AKAP1: variants seen among roughly 807,000 people sequenced by gnomAD.
The protein encoded by AKAP1 is A-kinase anchor protein 1, mitochondrial.
In AKAP1, 32 loss-of-function variants were observed where a neutral mutation model predicts 79.8. The ratio of observed to expected loss-of-function variants is 0.40; its 90% CI spans 0.30 to 0.54. The LOEUF is 0.54. AKAP1 is among the 20% of genes least tolerant of loss of function. The probability of loss-of-function intolerance (pLI) is 0.47; values close to 1 mark genes in which losing one functional copy is unlikely to be tolerated. For missense variants in AKAP1, 961 were observed against 1,138.9 expected (o/e 0.84, Z 2.25); for synonymous variants, 416 against 466.7 (o/e 0.89, Z 1.40).
At chr17:57,101,420 G>C (rs1375317487) in intron 1 of AKAP1, among the ~76,000 whole-genome samples, 2 of 151,844 alleles carry the variant, frequency 1.3e-5, no homozygotes, top group African/African-American at 4.8e-5. Context: ...CAAGCGATTT[G>C]CCGCCCCCTC....
rs1336455408 is a variant in AKAP1, at chr17:57,086,520, C to T, written c.-25+1122C>T. 4 of 445,796 alleles carry T rather than the reference C, an allele frequency of 9.0e-6. No homozygotes were observed. The highest frequency in any genetic ancestry group is 6.3e-5 in the South Asian group (4 of 63,146). The allele number at this position is 445,796 out of a possible 1,614,324, so 27.6% of individuals were successfully genotyped here. ...CTTCCTGCCGCCGTTAACACAAACC[C>T]GGTGGACTTCGCTCCAGGTGCGAGT... On this transcript the variant is annotated intron_variant, in intron 1 of 10. Transcript: ENST00000337714. The surrounding 1 kb of genome is among the most constrained non-coding windows in gnomAD (Gnocchi z 5.1).
Position 57,106,769 on chromosome 17 carries a change from C to T in AKAP1, c.1305C>T (p.Tyr435=), listed in dbSNP as rs139433676. ...PAEGSPPPKT[Y]VSCLKSLLSS... ...AGGGCTCACCACCACCAAAGACCTACGTGAGCTGCCTGAAGAGCCTTCTGT... is the reference window on the plus strand; with the variant it reads ...AGGGCTCACCACCACCAAAGACCTATGTGAGCTGCCTGAAGAGCCTTCTGT... The change falls in exon 2 of 11, where the codon TAC becomes TAT. Residue 435 remains tyrosine, a synonymous_variant. Transcript: ENST00000337714. 2.0e-4 allele frequency: 319 copies of T among 1,614,076 alleles called. 1 individual carries two copies. The highest frequency in any genetic ancestry group is 3.3e-4 in the Middle Eastern group (2 of 6,062).
intron 1 of AKAP1, among the ~76,000 whole-genome samples, chr17:57,091,914 G>T (rs1299901222): frequency 6.6e-6 from 1 of 151,968 alleles, no homozygotes; most frequent in African/African-American, 2.4e-5. Flanking sequence ...CCCATTTCAA[G>T]ACTCCTAGGC....
rs1914202259 is a variant in AKAP1, at chr17:57,097,578, A to G, written c.-24-7863A>G. On this transcript the variant is annotated intron_variant, in intron 1 of 10. Transcript: ENST00000337714. ...CAGACTGCTGTCATTCTCTGAATGC[A>G]GTGGCTGAAGTGCTGGGCTTTAGGT... Among the ~76,000 whole-genome samples, 4 of 152,342 alleles carry G rather than the reference A, an allele frequency of 2.6e-5. No individual in the cohort carries two copies. In the East Asian group the frequency reaches 5.8e-4, roughly 22 times the overall value.
intron 1 of AKAP1, among the ~76,000 whole-genome samples, chr17:57,099,925 T>C (rs1477607202): frequency 1.3e-5 from 2 of 152,134 alleles, no homozygotes; most frequent in Admixed American, 6.5e-5. Context: ...CTCACTGTAG[T>C]ATAGCCCCCT....
chr17:57,120,202 G>T (rs760674985), intron 10 of AKAP1, 48 bp from the exon 11 acceptor site: 1 of 1,568,616 alleles, frequency 6.4e-7, no homozygotes, highest in Non-Finnish European at 8.7e-7. Context: ...TAGGGAGATG[G>T]CCCCAGGATG....
At chr17:57,098,024 GT>G (rs1296059491) in intron 1 of AKAP1, among the ~76,000 whole-genome samples, 2 of 152,248 alleles carry the variant, frequency 1.3e-5, no homozygotes, top group Non-Finnish European at 2.9e-5. Flanking sequence ...GTAGCCTGCA[GT>G]TACCAGGTTT....
Position 57,106,989 on chromosome 17 carries a change from G to T in AKAP1, c.1525G>T (p.Asp509Tyr). 3 of 1,614,192 alleles carry T rather than the reference G, an allele frequency of 1.9e-6. No homozygotes were observed. Among genetic ancestry groups the T allele is most frequent in the Non-Finnish European group, 2.5e-6 (3 of 1,180,032 alleles). The change falls in exon 2 of 11, where the codon GAT becomes TAT. Residue 509 changes from aspartate to tyrosine, a missense_variant. Coordinates refer to ENST00000337714, the MANE Select transcript of AKAP1 (RefSeq NM_003488.4). The stretch of plus-strand genomic sequence containing the variant: ...GGTGGCTTCTCCAGGACACTGCTCA[G>T]ATTCTTTCAGCACTTCAGGGCTTGA... ...PLVASPGHCS[D>Y]SFSTSGLEDS...
At chr17:57,108,146 G>A (rs1457741872) in intron 2 of AKAP1, 6 of 632,876 alleles carry the variant, frequency 9.5e-6, no homozygotes, top group Non-Finnish European at 1.3e-5. Context: ...TCTCTGACTT[G>A]TTTGTCCTGG....
At chr17:57,095,656 G>A (rs1279713343) in intron 1 of AKAP1, 1 of 152,052 alleles carries the variant, frequency 6.6e-6, no homozygotes. Context: ...GTAGTTCACT[G>A]TCTGCCATTA....
Position 57,086,171 on chromosome 17 carries a change from G to T in AKAP1, c.-25+773G>T, listed in dbSNP as rs1247640884. The T allele has an allele frequency of 6.2e-6, 2 of 323,386 alleles. No homozygotes were observed. The highest frequency in any genetic ancestry group is 2.3e-5 in the African/African-American group (1 of 44,132). The allele number at this position is 323,386 out of a possible 1,614,324, so 20.0% of individuals were successfully genotyped here. The stretch of plus-strand genomic sequence containing the variant: ...GGCCGTCCAGCCTGGGGTGTCTGCC[G>T]ACCTCACGCCCGGGGGCCCCGACGG... On this transcript the variant is annotated intron_variant, in intron 1 of 10. Coordinates refer to ENST00000337714, the MANE Select transcript of AKAP1 (RefSeq NM_003488.4). The surrounding 1 kb of genome is among the most constrained non-coding windows in gnomAD (Gnocchi z 5.1).
rs1379739494 is a variant in AKAP1, at chr17:57,090,368, A to T, written c.-25+4970A>T. Among the ~76,000 whole-genome samples the T allele has an allele frequency of 3.3e-5, 5 of 151,886 alleles. No homozygotes were observed. In the East Asian group the frequency reaches 5.8e-4, roughly 18 times the overall value. Reference sequence around the variant, plus strand: ...TCTGTCAGCCCTATGAGGTTAGTACAGTGATTAGTTTGTGGGTGAAGAAAC... The same window carrying T: ...TCTGTCAGCCCTATGAGGTTAGTACTGTGATTAGTTTGTGGGTGAAGAAAC... On this transcript the variant is annotated intron_variant, in intron 1 of 10. Transcript: ENST00000337714.
At chr17:57,092,606 G>A (rs1913849111) in intron 1 of AKAP1, 1 of 152,182 alleles carries the variant, frequency 6.6e-6, no homozygotes, top group African/African-American at 2.4e-5. Context: ...AAAGGTAAAA[G>A]CAAGCCCCTG....
chr17:57,116,582 A>G (rs1915600668), intron 7 of AKAP1, among the ~76,000 whole-genome samples: 1 of 152,134 alleles, frequency 6.6e-6, no homozygotes, highest in African/African-American at 2.4e-5. Context: ...CGGGCAGTAT[A>G]GCGAGACCTC....
intron 1 of AKAP1, among the ~76,000 whole-genome samples, chr17:57,103,756 A>G (rs1356982975): frequency 6.6e-6 from 1 of 152,228 alleles, no homozygotes; most frequent in Admixed American, 6.5e-5. Flanking sequence ...TAAGTGTTCT[A>G]GAATAAGCCC....
In AKAP1 at chr17:57,118,977, T is replaced by C. The variant is rs767440390; in HGVS notation, c.2575-5T>C. On this transcript the variant is annotated splice_polypyrimidine_tract_variant and splice_region_variant and intron_variant, in intron 9 of 10. Coordinates refer to ENST00000337714, the MANE Select transcript of AKAP1 (RefSeq NM_003488.4). ...CATATTATTCTTTCCACCCCCCTTCTTCAGGTGACAAGTTACAGTCCAACT... is the reference window on the plus strand; with the variant it reads ...CATATTATTCTTTCCACCCCCCTTCCTCAGGTGACAAGTTACAGTCCAACT... The C allele has an allele frequency of 1.9e-6, 3 of 1,613,164 alleles. No individual in the cohort carries two copies. The highest frequency in any genetic ancestry group is 2.7e-5 in the African/African-American group (2 of 74,914).
At chr17:57,115,378 A>G (rs1488252877) in intron 6 of AKAP1, among the ~76,000 whole-genome samples, 1 of 152,186 alleles carries the variant, frequency 6.6e-6, no homozygotes, top group African/African-American at 2.4e-5. Context: ...ACCCAGCAGT[A>G]AAGACTGAAC....
At chr17:57,107,274 G>T (rs2144725536) in intron 2 of AKAP1, 96 bp downstream of exon 2, 1 of 1,497,244 alleles carries the variant, frequency 6.7e-7, no homozygotes, top group Middle Eastern at 2.0e-4. Context: ...TACTTGTGCA[G>T]CAAAGTCATA....
In AKAP1 at chr17:57,120,634, T is replaced by G; in HGVS notation, c.*310T>G. 1 of 225,608 alleles carries G rather than the reference T, an allele frequency of 4.4e-6. No homozygotes were observed. The allele number at this position is 225,608 out of a possible 1,614,324, so 14.0% of individuals were successfully genotyped here. ...AGATTGTCCTATTCCCCCTGTTCCA[T>G]TCCCCTCTTCTTCCTTCTATCTCCT... On this transcript the variant is annotated 3_prime_UTR_variant, in exon 11 of 11. Transcript: ENST00000337714.
Sources: allele counts gnomAD v4.1 joint callset (sites outside exome capture counted in the v4.1 genomes callset), GRCh38; gene constraint gnomAD v4.1.1; non-coding constraint Gnocchi (gnomAD v3.1); transcripts MANE v1.5; gene names NCBI Gene and HGNC (gene_info 2026-07-23, HGNC 2026-07-21).